SVIL: variants seen among roughly 807,000 people sequenced by gnomAD.
SVIL encodes supervillin.
Under a neutral mutation model 240.4 loss-of-function variants are expected in SVIL, and 101 were observed. That is an observed-to-expected ratio of 0.42 (90% confidence interval 0.36 to 0.50). SVIL has a LOEUF of 0.50. Ranked by LOEUF, SVIL falls within the 20% of genes least tolerant of loss-of-function variation. SVIL has a pLI of 0.01. For synonymous variants in SVIL, 999 were observed against 1,100.0 expected, an observed-to-expected ratio of 0.91 and a Z score of 1.82; for missense variants, 2,512 against 2,818.7, an observed-to-expected ratio of 0.89 and a Z score of 2.46.
rs551740637 is a variant in SVIL at position 29,703,745 on chromosome 10, G to C, written c.-399-17094C>G. Among the ~76,000 whole-genome samples the C allele has an allele frequency of 1.7e-3, 261 of 152,302 alleles. 1 individual carries two copies. The highest frequency in any genetic ancestry group is 6.1e-3 in the African/African-American group (254 of 41,564). The stretch of plus-strand genomic sequence containing the variant: ...CTCAGTGGCCCTGACAAACAGTTGG[G>C]GAAAGTTAACAGTAAAGGCCAAGTC... On this transcript the variant is annotated intron_variant, in intron 1 of 35. Coordinates refer to the SVIL transcript ENST00000375400.
At chr10:29,525,555 A>C (rs529351715) in intron 13 of SVIL, among the ~76,000 whole-genome samples, 27 of 152,320 alleles carry the variant, frequency 1.8e-4, no homozygotes, top group African/African-American at 6.5e-4. Flanking sequence ...TAGAGGCTGC[A>C]GTGTGCAGTG....
chr10:29,552,086 C>A (rs577308995), intron 5 of SVIL, among the ~76,000 whole-genome samples: 1 of 151,072 alleles, frequency 6.6e-6, no homozygotes, highest in African/African-American at 2.4e-5. Flanking sequence ...CCACTGAACT[C>A]TAACCTGAGC....
intron 3 of SVIL, among the ~76,000 whole-genome samples, chr10:29,560,990 T>G (rs1361962487): frequency 2.0e-5 from 3 of 151,814 alleles, no homozygotes; most frequent in African/African-American, 4.8e-5. Flanking sequence ...CCCAGCTAAT[T>G]TTTTGTATTT....
chr10:29,516,450 G>A (rs144117065), intron 16 of SVIL, among the ~76,000 whole-genome samples: 152 of 152,280 alleles, frequency 1.0e-3, no homozygotes, highest in African/African-American at 3.4e-3. Flanking sequence ...CCACCACGCT[G>A]AGGAGGGAGG....
chr10:29,584,620 C>T (rs190048510), intron 1 of SVIL, among the ~76,000 whole-genome samples: 236 of 152,322 alleles, frequency 1.5e-3, no homozygotes, highest in African/African-American at 5.3e-3. Flanking sequence ...AACAGAACCC[C>T]GTGCCTCGTT....
rs61737058 is a variant in SVIL, at chr10:29,523,811, C to T, written c.2803G>A (p.Val935Ile). 367 of 1,614,214 alleles carry T rather than the reference C, an allele frequency of 2.3e-4. No individual in the cohort carries two copies. In the African/African-American group the frequency reaches 4.5e-3, roughly 20 times the overall value. ...ILKSQAWQPL[V>I]EGSENKGMLR... is the part of the protein sequence containing the mutation. ...ATTCCCTTGTTCTCGCTACCCTCTA[C>T]CAAAGGCTGCCAAGCTTGCGATTTC... Residue 935 changes from valine to isoleucine, a missense_variant, in exon 15 of 38, where the codon GTA (valine) becomes ATA (isoleucine). Physicochemically the swap from Val to Ile is conservative, Grantham distance 29. Around this residue, in one of 3 missense-constraint regions of SVIL, gnomAD observed 1,443 missense variants for 1,486.6 expected, o/e 0.97. Transcript: ENST00000355867.
chr10:29,499,033 G>T (rs1010010414), intron 18 of SVIL, 83 bp downstream of exon 18: 2 of 1,519,740 alleles, frequency 1.3e-6, no homozygotes, highest in East Asian at 2.4e-5. Flanking sequence ...GAGCTATCAC[G>T]TACCACCATG....
intron 2 of SVIL, among the ~76,000 whole-genome samples, chr10:29,674,209 C>T (rs1413974716): frequency 6.6e-6 from 1 of 152,022 alleles, no homozygotes; most frequent in Non-Finnish European, 1.5e-5. Flanking sequence ...GTGGTGTGCA[C>T]CTGTGGTCCC....
chr10:29,523,332 C>T (rs139464811), intron 15 of SVIL, 119 bp downstream of exon 15: 2 of 904,896 alleles, frequency 2.2e-6, no homozygotes, highest in Non-Finnish European at 3.2e-6. Flanking sequence ...AACTTTTAAC[C>T]AATACTAGCT....
chr10:29,459,952 A>C (rs1442615748), intron 36 of SVIL, among the ~76,000 whole-genome samples: 1 of 152,106 alleles, frequency 6.6e-6, no homozygotes, highest in African/African-American at 2.4e-5. Context: ...TAGGCTAGGC[A>C]TGGAAGTGTG....
intron 3 of SVIL, among the ~76,000 whole-genome samples, chr10:29,562,993 G>C (rs1954647964): frequency 6.6e-6 from 1 of 152,102 alleles, no homozygotes; most frequent in South Asian, 2.1e-4. Flanking sequence ...AAAATTAAAG[G>C]GCAAGAAGGA....
intron 3 of SVIL, among the ~76,000 whole-genome samples, chr10:29,652,985 G>A (rs1039096755): frequency 4.0e-5 from 6 of 149,562 alleles, no homozygotes; most frequent in Non-Finnish European, 7.4e-5. Context: ...TCTGTGAATC[G>A]CCTTTTTCCT....
chr10:29,526,204 T>C (rs1487627006), intron 13 of SVIL, among the ~76,000 whole-genome samples: 1 of 152,188 alleles, frequency 6.6e-6, no homozygotes, highest in Non-Finnish European at 1.5e-5. Flanking sequence ...TCAGTCTGTA[T>C]TTGTGTCTAC....
chr10:29,722,577 C>T (rs147784289), intron 1 of SVIL, among the ~76,000 whole-genome samples: 216 of 152,248 alleles, frequency 1.4e-3, no homozygotes, highest in African/African-American at 4.9e-3. Context: ...AGCACCAAAC[C>T]GGCCTTTGGA....
At chr10:29,487,041 C>T in intron 24 of SVIL, 122 bp downstream of exon 24, 1 of 1,207,840 alleles carries the variant, frequency 8.3e-7, no homozygotes, top group Non-Finnish European at 1.1e-6. Flanking sequence ...TCCTACCTAT[C>T]CCTTCTCACT....
chr10:29,497,406 A>C (rs898349248), intron 18 of SVIL, among the ~76,000 whole-genome samples: 2 of 152,230 alleles, frequency 1.3e-5, no homozygotes, highest in African/African-American at 4.8e-5. Flanking sequence ...TGACAAAGGG[A>C]ACCCAAATTT....
At chr10:29,589,598 C>T (rs555488019) in intron 1 of SVIL, among the ~76,000 whole-genome samples, 1 of 152,256 alleles carries the variant, frequency 6.6e-6, no homozygotes, top group East Asian at 1.9e-4. Flanking sequence ...TGTTTGAGCC[C>T]TAATTGGAAC....
chr10:29,711,169 G>A (rs952250456), intron 1 of SVIL, among the ~76,000 whole-genome samples: 2 of 152,190 alleles, frequency 1.3e-5, no homozygotes, highest in Non-Finnish European at 2.9e-5. Flanking sequence ...GGAGGCTGAG[G>A]AGGGCAGATC....
intron 6 of SVIL, 57 bp downstream of exon 6, chr10:29,550,540 G>C (rs550794530): frequency 4.0e-6 from 6 of 1,483,782 alleles, no homozygotes; most frequent in Non-Finnish European, 4.5e-6. Context: ...CACACAGAGA[G>C]GCAAAAAGAA....
Sources: gnomAD v4.1 joint callset for allele counts (sites outside exome capture counted in the v4.1 genomes callset) on GRCh38, gnomAD v4.1.1 for gene constraint, gnomAD v4.1.1 regional missense constraint, MANE v1.5 for transcripts, NCBI Gene and HGNC (gene_info 2026-07-23, HGNC 2026-07-21) for gene names.